Variants in WRAP53 observed in about 807,000 individuals in gnomAD.
The protein encoded by WRAP53 is telomerase Cajal body protein 1.
WRAP53 carries 28 observed loss-of-function variants against 56.6 expected under a neutral mutation model. The ratio of observed to expected loss-of-function variants is 0.50; its 90% confidence interval spans 0.37 to 0.68. The LOEUF (loss-of-function observed/expected upper bound fraction) is 0.68. Ranked by LOEUF, WRAP53 falls within the 30% of genes least tolerant of loss-of-function variation. WRAP53 has a pLI of 0.00. For missense variants in WRAP53, 671 were observed against 715.5 expected (o/e 0.94, Z 0.71); for synonymous variants, 283 against 283.4 (o/e 1.00, Z 0.01).
chr17:7,687,588 G>T, upstream of WRAP53: 1 of 398,832 alleles, frequency 2.5e-6, no homozygotes, highest in East Asian at 3.6e-5. Flanking sequence ...CTGGACAGTC[G>T]CCATGACAAG....
chr17:7,689,128 A>G (rs1378967766), intron 2 of WRAP53, 49 bp downstream of exon 2: 1 of 1,613,894 alleles, frequency 6.2e-7, no homozygotes, highest in Non-Finnish European at 8.5e-7. Context: ...ATGAAGTGTG[A>G]GGTCGATCTG....
chr17:7,698,024 CCTGA>C (rs1455122243), intron 4 of WRAP53, among the ~76,000 whole-genome samples: 1 of 152,066 alleles, frequency 6.6e-6, no homozygotes, highest in Non-Finnish European at 1.5e-5. Context: ...TGCCAATATG[CCTGA>C]CTAATTTTTT....
In WRAP53 at chr17:7,702,698, TC is replaced by T. The variant is rs1300166580; in HGVS notation, c.1165-43del. 2.5e-6 allele frequency: 4 copies of T among 1,608,056 alleles called. No individual in the cohort carries two copies. In the Admixed American group the frequency reaches 6.7e-5, roughly 27 times the overall value. ...GGAGACCCCGAGGGAGGCAGGGACA[TC>T]CAGGGCTTTGGGGGTGACTCCAGGT... is the stretch of plus-strand genomic sequence containing the variant. On this transcript the variant is annotated intron_variant, in intron 8 of 10. Transcript: ENST00000396463. The surrounding 1 kb of genome is among the most constrained non-coding windows in gnomAD (Gnocchi z 5.0).
In WRAP53 at chr17:7,703,037, CTGTG is replaced by C. The variant is rs763584318; in HGVS notation, c.1316_1319del (p.Val439GlyfsTer16). 6.2e-7 allele frequency: 1 copy of C among 1,614,092 alleles called. No homozygotes were observed. Among genetic ancestry groups the C allele is most frequent in the Non-Finnish European group, 8.5e-7 (1 of 1,180,020 alleles). On this transcript the variant is annotated frameshift_variant, in exon 10 of 11. Transcript: ENST00000396463. LOFTEE classifies it high-confidence loss of function. ...AGTGGCAGCACGAGCGGGGCTGTCT[CTGTG>C]TGGGACACGGACGGGCCTGGCAATG...
At chr17:7,700,347 T>TA (rs2074257618) in intron 4 of WRAP53, among the ~76,000 whole-genome samples, 1 of 151,866 alleles carries the variant, frequency 6.6e-6, no homozygotes, top group East Asian at 1.9e-4. Context: ...TAAGTGTTTA[T>TA]AAAGAAAAAG....
rs1289187806 is a variant in WRAP53 at position 7,694,885 on chromosome 17, C to A, written c.642+5184C>A. Among the ~76,000 whole-genome samples the A allele has an allele frequency of 2.0e-5, 3 of 150,290 alleles. No homozygotes were observed. In the East Asian group the frequency reaches 5.9e-4, roughly 30 times the overall value. Reference sequence around the variant, plus strand: ...TTTTTTTTTTTTCCTGCTAGTGTACCAGTTCTATCGCAACCTCTCTCATTA... The same window carrying A: ...TTTTTTTTTTTTCCTGCTAGTGTACAAGTTCTATCGCAACCTCTCTCATTA... On this transcript the variant is annotated intron_variant, in intron 4 of 10. Transcript: ENST00000396463.
Position 7,688,757 on chromosome 17 carries a change from G to A in WRAP53, c.109G>A (p.Asp37Asn). 5 of 1,614,120 alleles carry A rather than the reference G, an allele frequency of 3.1e-6. No homozygotes were observed. The highest frequency in any genetic ancestry group is 4.2e-6 in the Non-Finnish European group (5 of 1,180,028). ...CGCTTCCCCGATGAATAAAAATGCG[G>A]ACTCTGAACTGATGCCACCGCCTCC... is the stretch of plus-strand genomic sequence containing the variant. ...PHASPMNKNA[D>N]SELMPPPPER... Residue 37 changes from aspartate (D) to asparagine (N), a missense_variant, in exon 2 of 11, where the codon GAC (aspartate) becomes AAC (asparagine). By Grantham distance (23) the Asp-to-Asn change is conservative (BLOSUM62 1). This residue lies in a region of WRAP53 where 406 missense variants were observed against 418.5 expected (regional missense o/e 0.97). Coordinates refer to ENST00000396463, the MANE Select transcript of WRAP53 (RefSeq NM_001143992.2).
rs2074051383 is a variant in WRAP53 at position 7,688,533 on chromosome 17, CCTACT to C, written c.-28_-24del. ...CGCCTCTCCTCCCGGGAGTCTTCTG[CCTACT>C]CCCAGAAGAGGAGGGAAGCACAGGT... On this transcript the variant is annotated 5_prime_UTR_variant, in exon 1 of 11. Transcript: ENST00000396463. 2.6e-6 allele frequency: 3 copies of C among 1,132,610 alleles called. No homozygotes were observed. In the Admixed American group the frequency reaches 6.6e-5, roughly 25 times the overall value. The allele number at this position is 1,132,610 out of a possible 1,614,324, so 70.2% of individuals were successfully genotyped here. A position where few individuals can be genotyped will look rare whatever the true frequency, so the allele number is the denominator to read the frequency against.
At position 7,702,771 on chromosome 17, in the gene WRAP53, G is replaced by A. The variant is rs768411006; in HGVS notation, c.1193G>A (p.Arg398Gln). The change falls in exon 9 of 11, where the codon CGG becomes CAG. Residue 398 changes from arginine (R) to glutamine (Q), a missense_variant. This residue lies in a region of WRAP53 where 158 missense variants were observed against 215.7 expected (regional missense o/e 0.73). Coordinates refer to ENST00000396463, the MANE Select transcript of WRAP53 (RefSeq NM_001143992.2). The surrounding 1 kb of genome is among the most constrained non-coding windows in gnomAD (Gnocchi z 5.0). Reference sequence around the variant, plus strand: ...GCTGAGCTCCTGTGCTGGGATCTCCGGCAGTCTGGTTACCCACTGTGGTCC... The same window carrying A: ...GCTGAGCTCCTGTGCTGGGATCTCCAGCAGTCTGGTTACCCACTGTGGTCC... ...KDAELLCWDL[R>Q]QSGYPLWSLG... 7.4e-6 allele frequency: 12 copies of A among 1,613,830 alleles called. No individual in the cohort carries two copies. Among genetic ancestry groups the A allele is most frequent in the Non-Finnish European group, 9.3e-6 (11 of 1,180,002 alleles).
upstream of WRAP53, chr17:7,687,276 C>A: frequency 2.5e-6 from 1 of 398,494 alleles, no homozygotes; most frequent in South Asian, 1.3e-4. Flanking sequence ...TAAGTCCCCA[C>A]TGCCCCACCC....
Position 7,701,657 on chromosome 17 carries a change from G to A in WRAP53, c.823G>A (p.Asp275Asn). The stretch of plus-strand genomic sequence containing the variant: ...GTTTTCAGCCCTTTCCTTCCCCCAG[G>A]ATGAGCTGACGGCAGCCCATTCGCT... ...RASFRAYNHL[D>N]ELTAAHSLCF... Residue 275 changes from aspartate to asparagine, a missense_variant and splice_region_variant, in exon 7 of 11, where the codon GAT (aspartate) becomes AAT (asparagine). Transcript: ENST00000396463. The surrounding 1 kb of genome is among the most constrained non-coding windows in gnomAD (Gnocchi z 4.2). The A allele has an allele frequency of 6.2e-7, 1 of 1,614,254 alleles. No individual in the cohort carries two copies. Among genetic ancestry groups the A allele is most frequent in the Non-Finnish European group, 8.5e-7 (1 of 1,180,056 alleles).
chr17:7,694,336 C>T (rs1480687310), intron 4 of WRAP53, among the ~76,000 whole-genome samples: 2 of 149,644 alleles, frequency 1.3e-5, no homozygotes, highest in Non-Finnish European at 1.5e-5. Flanking sequence ...CTCTGTTTCC[C>T]GGTTCAAGCG....
At chr17:7,694,389 C>T (rs1323371238) in intron 4 of WRAP53, among the ~76,000 whole-genome samples, 1 of 151,182 alleles carries the variant, frequency 6.6e-6, no homozygotes, top group Non-Finnish European at 1.5e-5. Flanking sequence ...ATTACAGGCA[C>T]GCACCACCGC....
rs148329158 is a variant in WRAP53, at chr17:7,703,405, G to A, written c.1566G>A (p.Ala522=). The part of the protein sequence containing the change: ...CRLQLWWCGG[A]PDSSIPDDHQ... The stretch of plus-strand genomic sequence containing the variant: ...TTCAGCTCTGGTGGTGTGGGGGGGC[G>A]CCAGACTCCAGCATCCCTGATGATC... The change falls in exon 11 of 11, where the codon GCG becomes GCA. Residue 522 remains alanine, a synonymous_variant. Coordinates refer to ENST00000396463, the MANE Select transcript of WRAP53 (RefSeq NM_001143992.2). 4,112 of 1,612,408 alleles carry A rather than the reference G, an allele frequency of 2.6e-3. 4 individuals carry two copies. Among genetic ancestry groups the A allele is most frequent in the Non-Finnish European group, 3.1e-3 (3,667 of 1,179,174 alleles).
Position 7,702,198 on chromosome 17 carries a change from G to A in WRAP53, c.956-146G>A, listed in dbSNP as rs567156106. 2 of 861,920 alleles carry A rather than the reference G, an allele frequency of 2.3e-6. No homozygotes were observed. The highest frequency in any genetic ancestry group is 3.8e-6 in the Non-Finnish European group (2 of 531,620). The allele number at this position is 861,920 out of a possible 1,614,324, so 53.4% of individuals were successfully genotyped here. A position where few individuals can be genotyped will look rare whatever the true frequency, so the allele number is the denominator to read the frequency against. On this transcript the variant is annotated intron_variant, in intron 7 of 10. Transcript: ENST00000396463. This position sits in a 1 kb window ranked among gnomAD's most constrained non-coding sequence, Gnocchi z 5.0. ...GAGGATAGATGTGGGGAGCATCAGA[G>A]GTCTTTGTCCTGCTTGTGACAGACA...
intron 4 of WRAP53, among the ~76,000 whole-genome samples, chr17:7,699,522 T>TTTA (rs1429418083): frequency 8.5e-4 from 12 of 14,098 alleles, no homozygotes; most frequent in Non-Finnish European, 1.0e-3. Context: ...ATATATATAT[T>TTTA]TATATATATA....
intron 4 of WRAP53, among the ~76,000 whole-genome samples, chr17:7,700,072 G>T (rs1470300240): frequency 6.6e-5 from 10 of 150,448 alleles, no homozygotes; most frequent in Non-Finnish European, 1.5e-5. Context: ...TTTTTGGGGG[G>T]CACTGTCTCT....
Position 7,702,671 on chromosome 17 carries a change from C to G in WRAP53, c.1165-72C>G. The G allele has an allele frequency of 6.3e-7, 1 of 1,599,546 alleles. No individual in the cohort carries two copies. Among genetic ancestry groups the G allele is most frequent in the South Asian group, 1.1e-5 (1 of 90,932 alleles). Reference sequence around the variant, plus strand: ...AAAAAATCCCAAGCTGAAGGAGTGCCTGGAGACCCCGAGGGAGGCAGGGAC... The same window carrying G: ...AAAAAATCCCAAGCTGAAGGAGTGCGTGGAGACCCCGAGGGAGGCAGGGAC... On this transcript the variant is annotated intron_variant, in intron 8 of 10. Transcript: ENST00000396463. This position sits in a 1 kb window ranked among gnomAD's most constrained non-coding sequence, Gnocchi z 5.0.
At position 7,701,886 on chromosome 17, in the gene WRAP53, G is replaced by T. The variant is rs548084925; in HGVS notation, c.955+97G>T. 157 of 1,536,922 alleles carry T rather than the reference G, an allele frequency of 1.0e-4. No homozygotes were observed. Among genetic ancestry groups the T allele is most frequent in the Non-Finnish European group, 1.3e-4 (149 of 1,140,754 alleles). ...CCGGGGGCCACCTGTGGGGGTTCAC[G>T]CCGTCCTCTGTACGGCCCCGGGAGC... On this transcript the variant is annotated intron_variant, in intron 7 of 10. Transcript: ENST00000396463. The surrounding 1 kb of genome is among the most constrained non-coding windows in gnomAD (Gnocchi z 4.2).
Sources: allele counts gnomAD v4.1 joint callset (sites outside exome capture counted in the v4.1 genomes callset), GRCh38; gene constraint gnomAD v4.1.1; regional missense constraint gnomAD v4.1.1; non-coding constraint Gnocchi (gnomAD v3.1); transcripts MANE v1.5; gene names NCBI Gene and HGNC (gene_info 2026-07-23, HGNC 2026-07-21).